The following KRT81 variants were observed in gnomAD, a reference collection of about 807,000 sequenced individuals.
KRT81 encodes keratin, type II cuticular Hb1.
In KRT81, 35 loss-of-function variants were observed where a neutral mutation model predicts 35.8. The ratio of observed to expected loss-of-function variants is 0.98; its 90% confidence interval spans 0.75 to 1.30. The LOEUF (loss-of-function observed/expected upper bound fraction) is 1.30, where lower values mean the gene tolerates loss of function less well. KRT81 is among the 50% of genes most tolerant of loss of function. KRT81 has a pLI of 0.00. For synonymous variants in KRT81, 249 were observed against 251.2 expected (o/e 0.99, Z 0.08); for missense variants, 531 against 577.4 (o/e 0.92, Z 0.82).
Position 52,286,210 on chromosome 12 carries a change from C to G in KRT81, c.*45G>C, listed in dbSNP as rs1287535940. Reference sequence around the variant, plus strand: ...CCTGGACTGGATGGGCCAAGCAAGGCAGGGCAGGAAAGATGCCTGGGGCCT... The same window carrying G: ...CCTGGACTGGATGGGCCAAGCAAGGGAGGGCAGGAAAGATGCCTGGGGCCT... On this transcript the variant is annotated 3_prime_UTR_variant, in exon 9 of 9. Transcript: ENST00000327741. 6.7e-7 allele frequency: 1 copy of G among 1,501,962 alleles called. No individual in the cohort carries two copies. The highest frequency in any genetic ancestry group is 1.4e-5 in the African/African-American group (1 of 72,324). The allele number at this position is 1,501,962 out of a possible 1,614,324, so 93.0% of individuals were successfully genotyped here.
chr12:52,290,540 C>CG (rs1304449281), intron 1 of KRT81, among the ~76,000 whole-genome samples: 1 of 16,774 alleles, frequency 6.0e-5, no homozygotes, highest in Non-Finnish European at 9.9e-5. Context: ...AGTGACCCCC[C>CG]CCCCCCAACC....
rs770430502 is a variant in KRT81 at position 52,291,412 on chromosome 12, G to T, written c.54C>A (p.Cys18Ter). 2 of 1,611,242 alleles carry T rather than the reference G, an allele frequency of 1.2e-6. No homozygotes were observed. Among genetic ancestry groups the T allele is most frequent in the Admixed American group, 1.7e-5 (1 of 59,800 alleles). Residue 18 changes from cysteine to a stop codon, truncating the protein, a stop_gained, in exon 1 of 9, where the codon TGC becomes TGA. Transcript: ENST00000327741. LOFTEE classifies it high-confidence loss of function. The part of the protein sequence containing the change: ...GGRAFSCISA[C>*]GPRPGRCCIT... ...TGCAGCAGCGGCCGGGCCGCGGCCC[G>T]CAGGCCGAGATGCAGCTGAAGGCGC...
intron 7 of KRT81, 113 bp from the exon 8 acceptor site, chr12:52,286,935 G>A: frequency 6.5e-7 from 1 of 1,530,540 alleles, no homozygotes; most frequent in Non-Finnish European, 9.0e-7. Context: ...AGAGTCTGAG[G>A]GAACAGCTTG....
chr12:52,287,976 C>A lies in KRT81; in HGVS notation c.900+8G>T. On this transcript the variant is annotated splice_region_variant and intron_variant, in intron 5 of 8. Transcript: ENST00000327741. ...ACGTCTAGCAGGCAGGTGTCCTGTG[C>A]CACTCACCTTGCTGCGGTACCAGGA... is the stretch of plus-strand genomic sequence containing the variant. 1 of 1,614,200 alleles carries A rather than the reference C, an allele frequency of 6.2e-7. No individual in the cohort carries two copies. Among genetic ancestry groups the A allele is most frequent in the Non-Finnish European group, 8.5e-7 (1 of 1,180,034 alleles).
rs771448878 is a variant in KRT81, at chr12:52,287,209, C to A, written c.1140G>T (p.Gln380His). The change falls in exon 7 of 9, where the codon CAG (glutamine) becomes CAT (histidine). Residue 380 changes from glutamine to histidine, a missense_variant. Physicochemically the swap from Gln to His is conservative, Grantham distance 24 (BLOSUM62 0). This residue lies in a region of KRT81 where 49 missense variants were observed against 87.8 expected (regional missense o/e 0.56). Coordinates refer to ENST00000327741, the MANE Select transcript of KRT81 (RefSeq NM_002281.4). ...ACTCCCTGATCAGGCAGGCCATGTC[C>A]TGCTTGGCCTTCTGCAGGGCGCCCT... ...ELEGALQKAK[Q>H]DMACLIREYQ... 2.4e-5 allele frequency: 38 copies of A among 1,613,286 alleles called. 1 individual carries two copies. The East Asian group carries it at 8.5e-4, about 36-fold the overall frequency.
intron 4 of KRT81, 88 bp downstream of exon 4, chr12:52,288,273 A>T (rs1034506589): frequency 6.2e-7 from 1 of 1,603,102 alleles, no homozygotes; most frequent in Non-Finnish European, 8.5e-7. Context: ...AGGGACTGCA[A>T]CCTCTACCCA....
Position 52,291,301 on chromosome 12 carries a change from C to T in KRT81, c.165G>A (p.Arg55=), listed in dbSNP as rs1347981574. ...CGAAGCTGCGTCCGCAGGAGCCGGC[C>T]CGAAAGCCTCCGCACACGCTGTGGC... ...FGSHSVCGGF[R]AGSCGRSFGY... Residue 55 remains arginine, a synonymous_variant, in exon 1 of 9, where the codon CGG becomes CGA. Transcript: ENST00000327741. 6.5e-7 allele frequency: 1 copy of T among 1,542,564 alleles called. No individual in the cohort carries two copies. Among genetic ancestry groups the T allele is most frequent in the Admixed American group, 2.0e-5 (1 of 50,590 alleles).
Position 52,287,546 on chromosome 12 carries a change from C to A in KRT81, c.1026+50G>T, listed in dbSNP as rs566024232. 10 of 1,613,908 alleles carry A rather than the reference C, an allele frequency of 6.2e-6. No individual in the cohort carries two copies. In the South Asian group the frequency reaches 1.1e-4, roughly 18 times the overall value. On this transcript the variant is annotated intron_variant, in intron 6 of 8. Coordinates refer to ENST00000327741, the MANE Select transcript of KRT81 (RefSeq NM_002281.4). ...GGTAGGGCACACATAGGCTGTGTGA[C>A]AATGGTTAGGCCCTCGGTCTCTCTG...
chr12:52,287,556 G>A (rs776563643), intron 6 of KRT81, 40 bp downstream of exon 6: 11 of 1,613,852 alleles, frequency 6.8e-6, no homozygotes, highest in Non-Finnish European at 9.3e-6. Context: ...CAATGGTTAG[G>A]CCCTCGGTCT....
chr12:52,291,388 G>A lies in KRT81; in HGVS notation c.78C>T (p.Cys26=). Residue 26 remains cysteine (C), a synonymous_variant, in exon 1 of 9, where the codon TGC becomes TGT. Transcript: ENST00000327741. The part of the protein sequence containing the change: ...SACGPRPGRC[C]ITAAPYRGIS... The stretch of plus-strand genomic sequence containing the variant: ...TGCCACGGTAGGGGGCGGCGGTGAT[G>A]CAGCAGCGGCCGGGCCGCGGCCCGC... 1 of 1,607,936 alleles carries A rather than the reference G, an allele frequency of 6.2e-7. No individual in the cohort carries two copies.
At chr12:52,288,304 C>A in intron 4 of KRT81, 57 bp downstream of exon 4, 6 of 1,610,682 alleles carry the variant, frequency 3.7e-6, no homozygotes, top group South Asian at 2.2e-5. Flanking sequence ...AACACTCCCA[C>A]CCCCAACTCT....
rs763161208 is a variant in KRT81, at chr12:52,291,390, A to T, written c.76T>A (p.Cys26Ser). The T allele has an allele frequency of 5.0e-6, 8 of 1,608,206 alleles. No homozygotes were observed. Among genetic ancestry groups the T allele is most frequent in the South Asian group, 1.1e-5 (1 of 90,566 alleles). The change falls in exon 1 of 9, where the codon TGC becomes AGC. Residue 26 changes from cysteine (C) to serine (S), a missense_variant. Coordinates refer to ENST00000327741, the MANE Select transcript of KRT81 (RefSeq NM_002281.4). Reference protein sequence around the residue: ...SACGPRPGRCCITAAPYRGIS... With the variant: ...SACGPRPGRCSITAAPYRGIS... ...CCACGGTAGGGGGCGGCGGTGATGC[A>T]GCAGCGGCCGGGCCGCGGCCCGCAG...
Sources: allele counts gnomAD v4.1 joint callset (sites outside exome capture counted in the v4.1 genomes callset), GRCh38; gene constraint gnomAD v4.1.1; regional missense constraint gnomAD v4.1.1; transcripts MANE v1.5; gene names NCBI Gene and HGNC (gene_info 2026-07-23, HGNC 2026-07-21).